The following ERC1 variants were observed in gnomAD, a reference collection of about 807,000 sequenced individuals.
ERC1 encodes ELKS/RAB6-interacting/CAST family member 1.
ERC1 carries 56 observed loss-of-function variants against 132.0 expected under a neutral mutation model. That is an observed-to-expected ratio of 0.42 (90% CI 0.34 to 0.53). ERC1 has a LOEUF of 0.53. ERC1 is among the 20% of genes least tolerant of loss of function. The probability of loss-of-function intolerance (pLI) is 0.03; values close to 1 mark genes in which losing one functional copy is unlikely to be tolerated. For synonymous variants in ERC1, 478 were observed against 476.1 expected, an observed-to-expected ratio of 1.00 and a Z score of -0.05; for missense variants, 1,202 against 1,349.9, an observed-to-expected ratio of 0.89 and a Z score of 1.72.
At chr12:1,244,677 A>G in intron 13 of ERC1, 1 of 389,828 alleles carries the variant, frequency 2.6e-6, no homozygotes, top group South Asian at 1.9e-5. Context: ...GTGTGCCACC[A>G]TGCCTGGCTA....
chr12:1,051,762 G>A (rs1366864014), intron 2 of ERC1, among the ~76,000 whole-genome samples: 1 of 152,114 alleles, frequency 6.6e-6, no homozygotes, highest in African/African-American at 2.4e-5. Flanking sequence ...CCTGGGGGAT[G>A]TGGGCAGGGG....
chr12:1,428,843 T>G (rs1470659724), intron 17 of ERC1, among the ~76,000 whole-genome samples: 1 of 152,250 alleles, frequency 6.6e-6, no homozygotes, highest in Non-Finnish European at 1.5e-5. Flanking sequence ...CTCCCTGATG[T>G]GCCTTCCTTC....
intron 13 of ERC1, among the ~76,000 whole-genome samples, chr12:1,255,307 G>C (rs1015677591): frequency 2.0e-5 from 3 of 152,100 alleles, no homozygotes; most frequent in African/African-American, 7.2e-5. Context: ...AGTATTCCAT[G>C]GTATATATGT....
At chr12:1,004,842 G>GTGTA (rs1963257718) in intron 1 of ERC1, among the ~76,000 whole-genome samples, 1 of 56,008 alleles carries the variant, frequency 1.8e-5, no homozygotes, top group African/African-American at 6.0e-5. Flanking sequence ...GTGTGTGTGT[G>GTGTA]TGTGTGTATA....
At chr12:1,180,307 A>G (rs1213119527) in intron 8 of ERC1, among the ~76,000 whole-genome samples, 2 of 145,354 alleles carry the variant, frequency 1.4e-5, no homozygotes, top group African/African-American at 5.5e-5. Flanking sequence ...GCGCGCGCGC[A>G]TACACATGTG....
intron 1 of ERC1, among the ~76,000 whole-genome samples, chr12:999,334 T>A (rs538535711): frequency 6.6e-6 from 1 of 152,312 alleles, no homozygotes; most frequent in African/African-American, 2.4e-5. Flanking sequence ...TGCTACTGAA[T>A]GTTTCCATTT....
chr12:1,393,088 C>G (rs573629075), intron 16 of ERC1, among the ~76,000 whole-genome samples: 1 of 152,124 alleles, frequency 6.6e-6, no homozygotes, highest in Non-Finnish European at 1.5e-5. Context: ...CCTTTATATC[C>G]TCTGGGTTTA....
At chr12:1,223,993 A>T (rs1258127835) in intron 12 of ERC1, among the ~76,000 whole-genome samples, 1 of 152,218 alleles carries the variant, frequency 6.6e-6, no homozygotes, top group African/African-American at 2.4e-5. Flanking sequence ...TAATCTACTT[A>T]TAAGGAAAAA....
At chr12:1,406,339 T>C (rs1426044146) in intron 16 of ERC1, among the ~76,000 whole-genome samples, 1 of 152,178 alleles carries the variant, frequency 6.6e-6, no homozygotes, top group East Asian at 1.9e-4. Context: ...CTAGACAAAC[T>C]ATTTTTAATT....
chr12:1,409,327 C>G (rs1012729081), intron 17 of ERC1, among the ~76,000 whole-genome samples: 1 of 152,174 alleles, frequency 6.6e-6, no homozygotes, highest in Admixed American at 6.5e-5. Context: ...TGCCTGCTTC[C>G]TGATACCTGG....
At chr12:1,068,980 G>A (rs1374548304) in intron 2 of ERC1, among the ~76,000 whole-genome samples, 1 of 152,152 alleles carries the variant, frequency 6.6e-6, no homozygotes, top group African/African-American at 2.4e-5. Flanking sequence ...TTTAAATGGA[G>A]AAACATAAGG....
At chr12:1,289,824 G>C (rs201776739) in intron 14 of ERC1, 28 bp from the exon 15 acceptor site, 215 of 1,604,040 alleles carry the variant, frequency 1.3e-4, no homozygotes, top group Non-Finnish European at 1.6e-4. Flanking sequence ...AAGACACTCT[G>C]TTGTTCTCTT....
rs1172737384 is a variant in ERC1, at chr12:1,074,519, T to A, written c.670-8645T>A. ...CATGTTGGTCAAACTGGTCTCAAAC[T>A]CCCCCACCCCAAGTGATCTACCCAC... On this transcript the variant is annotated intron_variant, in intron 2 of 18. Coordinates refer to ENST00000360905, the MANE Select transcript of ERC1 (RefSeq NM_178040.4). Among the ~76,000 whole-genome samples, 3 of 151,570 alleles carry A rather than the reference T, an allele frequency of 2.0e-5. 1 individual carries two copies. Among genetic ancestry groups the A allele is most frequent in the African/African-American group, 7.3e-5 (3 of 41,210 alleles).
intron 12 of ERC1, among the ~76,000 whole-genome samples, chr12:1,223,459 A>G (rs558933035): frequency 6.6e-6 from 1 of 152,320 alleles, no homozygotes; most frequent in East Asian, 1.9e-4. Context: ...TTCTGATTTA[A>G]TAGGTCTGGC....
chr12:1,255,999 T>C (rs1163190548), intron 13 of ERC1, among the ~76,000 whole-genome samples: 1 of 152,116 alleles, frequency 6.6e-6, no homozygotes, highest in African/African-American at 2.4e-5. Flanking sequence ...TAATGACCAG[T>C]GATGATGAGC....
At chr12:1,464,457 G>A (rs7964663) in intron 18 of ERC1, among the ~76,000 whole-genome samples, 39,331 of 146,758 alleles carry the variant, frequency 0.27, 9,703 homozygotes, top group African/African-American at 0.66. Flanking sequence ...AAAACATCCT[G>A]TTGTGAATTC....
At chr12:1,237,421 C>T (rs184954388) in intron 13 of ERC1, among the ~76,000 whole-genome samples, 47 of 152,174 alleles carry the variant, frequency 3.1e-4, no homozygotes, top group Middle Eastern at 6.8e-3. Flanking sequence ...TTTTTCACTT[C>T]AGTGGAGTGA....
At chr12:1,026,354 A>T (rs1966886149) in intron 1 of ERC1, among the ~76,000 whole-genome samples, 1 of 152,206 alleles carries the variant, frequency 6.6e-6, no homozygotes, top group Admixed American at 6.5e-5. Flanking sequence ...ATTGCAATTC[A>T]AGGTGAGATT....
intron 12 of ERC1, among the ~76,000 whole-genome samples, chr12:1,231,668 CAACT>C (rs1594398978): frequency 7.0e-6 from 1 of 143,252 alleles, no homozygotes; most frequent in East Asian, 1.9e-4. Flanking sequence ...TTCTGAAGAA[CAACT>C]TTTTTTTTTT....
Sources: gnomAD v4.1 joint callset for allele counts (sites outside exome capture counted in the v4.1 genomes callset) on GRCh38, gnomAD v4.1.1 for gene constraint, MANE v1.5 for transcripts, NCBI Gene and HGNC (gene_info 2026-07-23, HGNC 2026-07-21) for gene names.